FBXL17: variants seen among roughly 807,000 people sequenced by gnomAD.
FBXL17 encodes the protein F-box and leucine rich repeat protein 17.
FBXL17 carries 22 observed loss-of-function variants against 66.2 expected under a neutral mutation model. That is an observed-to-expected ratio of 0.33 (90% confidence interval 0.24 to 0.47). The LOEUF is 0.47. FBXL17 is among the 20% of genes least tolerant of loss of function. The pLI, the probability that FBXL17 is intolerant of heterozygous loss-of-function variation, is 1.00. For synonymous variants in FBXL17, 474 were observed against 400.5 expected (o/e 1.18, Z -2.19); for missense variants, 878 against 948.2 (o/e 0.93, Z 0.97).
At chr5:108,206,328 T>C (rs1754116977) in intron 5 of FBXL17, among the ~76,000 whole-genome samples, 1 of 152,186 alleles carries the variant, frequency 6.6e-6, no homozygotes, top group South Asian at 2.1e-4. Flanking sequence ...ACTGCTGCCT[T>C]ATTAAGTTCC....
At chr5:108,173,606 T>C (rs1310763697) in intron 6 of FBXL17, among the ~76,000 whole-genome samples, 1 of 152,160 alleles carries the variant, frequency 6.6e-6, no homozygotes, top group East Asian at 1.9e-4. Context: ...TTTAATACAA[T>C]ACAACCTATT....
intron 6 of FBXL17, among the ~76,000 whole-genome samples, chr5:108,157,497 A>G (rs1385705942): frequency 1.3e-5 from 2 of 151,854 alleles, no homozygotes; most frequent in African/African-American, 2.4e-5. Context: ...TTTTATTTCA[A>G]AAGATCATGT....
chr5:108,086,781 G>A (rs543833451), intron 6 of FBXL17, among the ~76,000 whole-genome samples: 29 of 152,084 alleles, frequency 1.9e-4, no homozygotes, highest in African/African-American at 6.3e-4. Flanking sequence ...GGCTGGTCTC[G>A]AGCCCCTGAC....
At chr5:108,291,451 G>C (rs868771975) in intron 4 of FBXL17, among the ~76,000 whole-genome samples, 2 of 152,176 alleles carry the variant, frequency 1.3e-5, no homozygotes, top group Admixed American at 6.5e-5. Flanking sequence ...CAGGAGAAAT[G>C]AATCTCAAAC....
At chr5:108,004,040 C>T (rs1753836744) in intron 7 of FBXL17, among the ~76,000 whole-genome samples, 1 of 151,854 alleles carries the variant, frequency 6.6e-6, no homozygotes, top group South Asian at 2.1e-4. Flanking sequence ...AAAAGCTGCG[C>T]AACATTAAAA....
intron 4 of FBXL17, among the ~76,000 whole-genome samples, chr5:108,264,282 CCTAA>C (rs1756958682): frequency 6.7e-6 from 1 of 148,876 alleles, no homozygotes; most frequent in Non-Finnish European, 1.5e-5. Context: ...ATCATTTGGT[CCTAA>C]CTGATTCAGA....
intron 7 of FBXL17, among the ~76,000 whole-genome samples, chr5:107,993,537 C>T (rs1478828761): frequency 6.6e-6 from 1 of 152,172 alleles, no homozygotes; most frequent in African/African-American, 2.4e-5. Flanking sequence ...TTACATTCAG[C>T]TGACTAAGCA....
At chr5:107,882,511 C>T (rs1748826193) in intron 7 of FBXL17, among the ~76,000 whole-genome samples, 1 of 152,038 alleles carries the variant, frequency 6.6e-6, no homozygotes. Context: ...AAAAAGTTCT[C>T]TATGTACCAG....
At chr5:108,016,811 C>T (rs1421025898) in intron 7 of FBXL17, among the ~76,000 whole-genome samples, 6 of 147,962 alleles carry the variant, frequency 4.1e-5, no homozygotes, top group African/African-American at 1.5e-4. Flanking sequence ...CAGAGTTTCG[C>T]TTTTGTCGCC....
At chr5:108,232,782 C>CATATATAT (rs34650348) in intron 4 of FBXL17, among the ~76,000 whole-genome samples, 3,191 of 78,064 alleles carry the variant, frequency 0.041, 358 homozygotes, top group African/African-American at 0.076. Context: ...TAAGCTCTCA[C>CATATATAT]ATATATATAT....
chr5:108,100,434 C>T (rs1478038777), intron 6 of FBXL17, among the ~76,000 whole-genome samples: 2 of 152,124 alleles, frequency 1.3e-5, no homozygotes, highest in Admixed American at 6.5e-5. Flanking sequence ...TTTATCCTTA[C>T]ATCAAACTGT....
intron 7 of FBXL17, among the ~76,000 whole-genome samples, chr5:107,989,854 A>C (rs1487992809): frequency 6.6e-6 from 1 of 152,170 alleles, no homozygotes; most frequent in Non-Finnish European, 1.5e-5. Context: ...GAATTAAGAC[A>C]AATATAAAAT....
At chr5:108,109,717 A>C (rs946997430) in intron 6 of FBXL17, among the ~76,000 whole-genome samples, 1 of 152,182 alleles carries the variant, frequency 6.6e-6, no homozygotes, top group African/African-American at 2.4e-5. Flanking sequence ...CCCCACTCCC[A>C]GATTCCCATA....
chr5:107,952,539 A>T (rs1027685873), intron 7 of FBXL17, among the ~76,000 whole-genome samples: 1 of 152,220 alleles, frequency 6.6e-6, no homozygotes. Flanking sequence ...TTTGAATTAC[A>T]GGTTCTCTGA....
intron 4 of FBXL17, among the ~76,000 whole-genome samples, chr5:108,291,290 A>G (rs1047870586): frequency 3.3e-5 from 5 of 152,200 alleles, no homozygotes; most frequent in African/African-American, 1.2e-4. Flanking sequence ...CAAATAGTTC[A>G]CCTAGCTGAG....
rs139169663 is a variant in FBXL17 at position 108,144,843 on chromosome 5, ACT to A, written c.1745+41272_1745+41273del. Among the ~76,000 whole-genome samples, 1,371 of 152,220 alleles carry A rather than the reference ACT, an allele frequency of 9.0e-3. 22 individuals carry two copies. The highest frequency in any genetic ancestry group is 0.032 in the African/African-American group (1,322 of 41,538). ...AGGAACCAGTAAAATAGAGCTCATG[ACT>A]CTGAATCTCCATATAAATTGAAAAT... On this transcript the variant is annotated intron_variant, in intron 6 of 8. Coordinates refer to ENST00000542267, the MANE Select transcript of FBXL17 (RefSeq NM_001163315.3).
intron 6 of FBXL17, among the ~76,000 whole-genome samples, chr5:108,036,782 GAGA>G (rs1171345006): frequency 2.0e-5 from 3 of 152,178 alleles, no homozygotes; most frequent in African/African-American, 4.8e-5. Flanking sequence ...GAACGAATGA[GAGA>G]AGAATTGATG....
At chr5:108,165,086 T>C (rs2150010702) in intron 6 of FBXL17, among the ~76,000 whole-genome samples, 1 of 152,310 alleles carries the variant, frequency 6.6e-6, no homozygotes, top group South Asian at 2.1e-4. Flanking sequence ...GAAATAAGAA[T>C]ATTTATCATA....
At chr5:107,888,215 A>G (rs1022237271) in intron 7 of FBXL17, among the ~76,000 whole-genome samples, 4 of 152,040 alleles carry the variant, frequency 2.6e-5, no homozygotes, top group African/African-American at 9.7e-5. Flanking sequence ...CACTTACCAG[A>G]GTTTGTTTCA....
Sources: gnomAD v4.1 joint callset for allele counts (sites outside exome capture counted in the v4.1 genomes callset) on GRCh38, gnomAD v4.1.1 for gene constraint, MANE v1.5 for transcripts, NCBI Gene and HGNC (gene_info 2026-07-23, HGNC 2026-07-21) for gene names.